Variants in ESRRG observed in about 807,000 individuals in gnomAD.
ESRRG encodes the protein estrogen-related receptor gamma.
A neutral mutation model predicts 44.0 loss-of-function variants in ESRRG; 13 were observed. The ratio of observed to expected loss-of-function variants is 0.30; its 90% CI spans 0.19 to 0.47. The LOEUF (loss-of-function observed/expected upper bound fraction) is 0.47. ESRRG is among the 20% of genes least tolerant of loss of function. ESRRG has a pLI of 1.00. For synonymous variants in ESRRG, 215 were observed against 214.6 expected (o/e 1.00, Z -0.02); for missense variants, 395 against 580.6 (o/e 0.68, Z 3.29).
At chr1:216,568,382 A>G (rs899512909) in intron 3 of ESRRG, among the ~76,000 whole-genome samples, 4 of 152,228 alleles carry the variant, frequency 2.6e-5, no homozygotes, top group Non-Finnish European at 4.4e-5. Flanking sequence ...GTAGATTAAT[A>G]CAAAGAAGCC....
chr1:216,887,693 C>T (rs558362126), intron 2 of ESRRG, among the ~76,000 whole-genome samples: 42 of 152,272 alleles, frequency 2.8e-4, no homozygotes, highest in Non-Finnish European at 5.3e-4. Context: ...AACTCCTACC[C>T]ACTTCCTCTG....
At position 216,595,439 on chromosome 1, in the gene ESRRG, C is replaced by T. The variant is rs138936183; in HGVS notation, c.590-27341G>A. 2.0e-3 allele frequency among the ~76,000 whole-genome samples: 303 copies of T among 152,204 alleles called. 1 individual carries two copies. Among genetic ancestry groups the T allele is most frequent in the African/African-American group, 6.4e-3 (264 of 41,524 alleles). ...ATTTTTCCACTTGATAAAATATATT[C>T]TGGAAATGCATTGAGAAACATGCAC... On this transcript the variant is annotated intron_variant, in intron 3 of 6. Coordinates refer to ENST00000408911, the MANE Select transcript of ESRRG (RefSeq NM_001438.4).
chr1:216,552,897 CT>C (rs1453450563), intron 5 of ESRRG, among the ~76,000 whole-genome samples: 1 of 152,168 alleles, frequency 6.6e-6, no homozygotes, highest in African/African-American at 2.4e-5. Context: ...AAAGCTCTCT[CT>C]TTTAGAATAA....
At chr1:216,534,861 GC>G (rs2050447834) in intron 5 of ESRRG, among the ~76,000 whole-genome samples, 1 of 152,122 alleles carries the variant, frequency 6.6e-6, no homozygotes, top group South Asian at 2.1e-4. Context: ...GACGGCATCA[GC>G]CTCATGTTGG....
intron 2 of ESRRG, among the ~76,000 whole-genome samples, chr1:216,793,959 A>ATTTTTTTTTTTTTT: frequency 6.9e-6 from 1 of 143,896 alleles, no homozygotes; most frequent in Non-Finnish European, 1.5e-5. Flanking sequence ...TTAACTAAGG[A>ATTTTTTTTTTTTTT]TTTTTTTTTT....
intron 1 of ESRRG, among the ~76,000 whole-genome samples, chr1:217,133,069 CT>C (rs1290967403): frequency 6.6e-6 from 1 of 152,158 alleles, no homozygotes; most frequent in East Asian, 1.9e-4. Context: ...ACCCAGGGCT[CT>C]AGAGGTCAGG....
At chr1:216,732,173 C>T (rs1370441254) in intron 2 of ESRRG, among the ~76,000 whole-genome samples, 2 of 150,774 alleles carry the variant, frequency 1.3e-5, no homozygotes, top group South Asian at 2.1e-4. Context: ...AGTGGAATAC[C>T]CAATATTTTT....
At chr1:216,718,495 A>G (rs1057337138) in intron 1 of ESRRG, among the ~76,000 whole-genome samples, 1 of 151,948 alleles carries the variant, frequency 6.6e-6, no homozygotes, top group African/African-American at 2.4e-5. Flanking sequence ...ACAAAATGCA[A>G]TGGAAAGATT....
intron 1 of ESRRG, among the ~76,000 whole-genome samples, chr1:216,966,069 G>T (rs368502610): frequency 8.0e-4 from 122 of 152,210 alleles, no homozygotes; most frequent in African/African-American, 2.8e-3. Flanking sequence ...GATCATGAAG[G>T]TACATTTGTC....
At position 217,055,149 on chromosome 1, in the gene ESRRG, A is replaced by T. The variant is rs149851852; in HGVS notation, c.-106+34358T>A. Among the ~76,000 whole-genome samples the T allele has an allele frequency of 3.3e-4, 50 of 152,340 alleles. No individual in the cohort carries two copies. In the East Asian group the frequency reaches 7.7e-3, roughly 24 times the overall value. ...CTAATTATGTCAGTGTCTTGCTTAC[A>T]AACCACCAATAGCCCTTTTTTTCAT... On this transcript the variant is annotated intron_variant, in intron 1 of 7. Coordinates refer to the ESRRG transcript ENST00000359162.
chr1:217,074,291 C>T (rs1324249928), intron 1 of ESRRG, among the ~76,000 whole-genome samples: 1 of 151,822 alleles, frequency 6.6e-6, no homozygotes, highest in Non-Finnish European at 1.5e-5. Flanking sequence ...TCAGATGATC[C>T]ACCCACTTTG....
At chr1:216,515,933 C>A (rs572939165) in intron 6 of ESRRG, among the ~76,000 whole-genome samples, 1 of 151,844 alleles carries the variant, frequency 6.6e-6, no homozygotes, top group South Asian at 2.1e-4. Context: ...TACCTAGGTG[C>A]TTATAGAAAT....
At chr1:217,045,942 T>C (rs1404016922) in intron 1 of ESRRG, among the ~76,000 whole-genome samples, 1 of 152,078 alleles carries the variant, frequency 6.6e-6, no homozygotes, top group African/African-American at 2.4e-5. Flanking sequence ...TCAAAGTATA[T>C]AGTTAGTATA....
At chr1:217,027,639 A>G (rs1212165223) in intron 1 of ESRRG, among the ~76,000 whole-genome samples, 17 of 152,178 alleles carry the variant, frequency 1.1e-4, no homozygotes, top group Admixed American at 1.1e-3. Context: ...TTAAAGCTAT[A>G]TGTGAAAAGA....
At chr1:216,557,239 C>T (rs2057774209) in intron 5 of ESRRG, among the ~76,000 whole-genome samples, 1 of 152,144 alleles carries the variant, frequency 6.6e-6, no homozygotes, top group Non-Finnish European at 1.5e-5. Context: ...TTTAAATTCA[C>T]TCTCCTTCCC....
intron 2 of ESRRG, among the ~76,000 whole-genome samples, chr1:216,810,551 G>A (rs2094935437): frequency 6.8e-6 from 1 of 148,052 alleles, no homozygotes; most frequent in South Asian, 2.1e-4. Flanking sequence ...TCAAGTAATA[G>A]AAGGCAGAAT....
intron 1 of ESRRG, among the ~76,000 whole-genome samples, chr1:217,013,636 T>C (rs1377360956): frequency 1.3e-5 from 2 of 152,166 alleles, no homozygotes; most frequent in African/African-American, 4.8e-5. Context: ...AGGCTTTAAA[T>C]GTATTTCATC....
At chr1:216,797,496 C>A (rs1042346095) in intron 2 of ESRRG, among the ~76,000 whole-genome samples, 1 of 152,132 alleles carries the variant, frequency 6.6e-6, no homozygotes, top group Non-Finnish European at 1.5e-5. Flanking sequence ...TCCAGATCCA[C>A]TAACCCACAT....
intron 2 of ESRRG, among the ~76,000 whole-genome samples, chr1:216,769,890 T>A (rs1167723446): frequency 1.3e-5 from 2 of 152,120 alleles, no homozygotes; most frequent in Non-Finnish European, 2.9e-5. Context: ...TAGATTACTC[T>A]TGCACAGAGA....
Sources: allele counts gnomAD v4.1 joint callset (sites outside exome capture counted in the v4.1 genomes callset), GRCh38; gene constraint gnomAD v4.1.1; transcripts MANE v1.5; gene names NCBI Gene and HGNC (gene_info 2026-07-23, HGNC 2026-07-21).